TBC1D5: variants seen among roughly 807,000 people sequenced by gnomAD.
TBC1D5 encodes the protein TBC1 domain family, member 5.
A neutral mutation model predicts 100.3 loss-of-function variants in TBC1D5; 75 were observed. The observed-to-expected ratio is 0.75, with a 90% CI of 0.62 to 0.91. The LOEUF (loss-of-function observed/expected upper bound fraction) is 0.91, where lower values mean the gene tolerates loss of function less well. TBC1D5 is among the 40% of genes least tolerant of loss of function. The pLI, the probability that TBC1D5 is intolerant of heterozygous loss-of-function variation, is 0.00. For missense variants in TBC1D5, 910 were observed against 942.4 expected (o/e 0.97, Z 0.45); for synonymous variants, 323 against 325.6 (o/e 0.99, Z 0.09).
At chr3:17,546,608 C>CAA (rs549427829) in intron 2 of TBC1D5, among the ~76,000 whole-genome samples, 2 of 139,594 alleles carry the variant, frequency 1.4e-5, no homozygotes, top group African/African-American at 2.6e-5. Context: ...TACTAAAATA[C>CAA]AAAAAAAAAA....
Position 17,662,362 on chromosome 3 carries a change from AAAG to A in TBC1D5, c.-100-38452_-100-38450del, listed in dbSNP as rs1316907038. 7.2e-5 allele frequency among the ~76,000 whole-genome samples: 11 copies of A among 152,366 alleles called. No homozygotes were observed. In the East Asian group the frequency reaches 1.9e-3, roughly 27 times the overall value. The stretch of plus-strand genomic sequence containing the variant: ...CATGGCTAGAAGTTGTCACAGTGCC[AAAG>A]AAGTTTAGAGGAGGAGGTTACCTGG... On this transcript the variant is annotated intron_variant, in intron 1 of 21. Coordinates refer to ENST00000253692, the Ensembl canonical transcript of TBC1D5.
chr3:17,479,179 T>C (rs575266901), intron 3 of TBC1D5, among the ~76,000 whole-genome samples: 7 of 152,176 alleles, frequency 4.6e-5, no homozygotes, highest in African/African-American at 1.2e-4. Context: ...GGCAAGAGGA[T>C]TGTTGAGCCC....
chr3:17,429,570 G>A (rs778973732), intron 3 of TBC1D5, among the ~76,000 whole-genome samples: 2 of 151,764 alleles, frequency 1.3e-5, no homozygotes, highest in Non-Finnish European at 3.0e-5. Flanking sequence ...ACAACCGAAG[G>A]TGCAATAGGA....
At chr3:17,498,229 G>A (rs2095740007) in intron 3 of TBC1D5, among the ~76,000 whole-genome samples, 1 of 151,776 alleles carries the variant, frequency 6.6e-6, no homozygotes, top group Admixed American at 6.6e-5. Flanking sequence ...GGAAATTCAA[G>A]GAGCTACCCA....
rs1471489893 is a variant in TBC1D5, at chr3:17,233,676, T to C, written c.1588+4487A>G. ...AAAAAGAAACACTATGTTGTTATGG[T>C]AACTGTACCTTGGAGGTCAGTTAGA... is the stretch of plus-strand genomic sequence containing the variant. On this transcript the variant is annotated intron_variant, in intron 17 of 21. Coordinates refer to ENST00000253692, the Ensembl canonical transcript of TBC1D5. The C allele has an allele frequency of 3.4e-6, 5 of 1,488,998 alleles. No homozygotes were observed. In the East Asian group the frequency reaches 9.9e-5, roughly 30 times the overall value. 92.2% of individuals were successfully genotyped at this position (1,488,998 alleles called of 1,614,324 possible). A position where few individuals can be genotyped will look rare whatever the true frequency, so the allele number is the denominator to read the frequency against.
intron 2 of TBC1D5, among the ~76,000 whole-genome samples, chr3:17,596,535 G>C (rs902481903): frequency 6.6e-6 from 1 of 150,902 alleles, no homozygotes. Context: ...GGCTAGGCTG[G>C]TCTTGAACTC....
intron 17 of TBC1D5, among the ~76,000 whole-genome samples, chr3:17,233,236 A>C (rs905368542): frequency 6.6e-5 from 10 of 152,230 alleles, no homozygotes; most frequent in African/African-American, 2.4e-4. Flanking sequence ...ATACTTAAAA[A>C]CATTTCAAAA....
intron 1 of TBC1D5, among the ~76,000 whole-genome samples, chr3:17,705,347 A>ACCC (rs749780289): frequency 2.4e-5 from 1 of 41,064 alleles, no homozygotes. Context: ...CTGGGGGCTG[A>ACCC]CCCCCCCCCA....
chr3:17,509,220 C>CAAT (rs2095875410), intron 2 of TBC1D5, among the ~76,000 whole-genome samples: 1 of 151,560 alleles, frequency 6.6e-6, no homozygotes, highest in Admixed American at 6.6e-5. Flanking sequence ...TCCTAGCATT[C>CAAT]TATTATATAG....
intron 3 of TBC1D5, among the ~76,000 whole-genome samples, chr3:17,505,734 T>C (rs1020894826): frequency 1.3e-5 from 2 of 152,202 alleles, no homozygotes; most frequent in African/African-American, 2.4e-5. Flanking sequence ...ATAAATAGTC[T>C]AACAAATATT....
At chr3:17,548,913 T>TTG (rs2096446193) in intron 2 of TBC1D5, among the ~76,000 whole-genome samples, 1 of 152,254 alleles carries the variant, frequency 6.6e-6, no homozygotes, top group African/African-American at 2.4e-5. Flanking sequence ...CAAATACCTT[T>TTG]AAATTTACCT....
intron 3 of TBC1D5, among the ~76,000 whole-genome samples, chr3:17,479,202 C>T (rs2150283748): frequency 6.6e-6 from 1 of 152,162 alleles, no homozygotes; most frequent in South Asian, 2.1e-4. Flanking sequence ...GAATTCAAGA[C>T]CAGACTGGGC....
chr3:17,280,395 C>T (rs989026869), intron 15 of TBC1D5, among the ~76,000 whole-genome samples: 4 of 152,222 alleles, frequency 2.6e-5, no homozygotes, highest in South Asian at 2.1e-4. Context: ...CCTGTTTTCC[C>T]GCTGGAAAGT....
At chr3:17,401,454 A>G (rs1186088035) in intron 8 of TBC1D5, among the ~76,000 whole-genome samples, 2 of 152,008 alleles carry the variant, frequency 1.3e-5, no homozygotes, top group Non-Finnish European at 2.9e-5. Flanking sequence ...CAGAAAATAT[A>G]GAAGTTTTCA....
chr3:17,673,040 T>C (rs1487266679), intron 1 of TBC1D5, among the ~76,000 whole-genome samples: 1 of 152,042 alleles, frequency 6.6e-6, no homozygotes, highest in Non-Finnish European at 1.5e-5. Flanking sequence ...CGTTGAGGAA[T>C]AACGATGGCT....
intron 16 of TBC1D5, 53 bp downstream of exon 16, chr3:17,258,453 T>A: frequency 1.5e-5 from 23 of 1,536,730 alleles, no homozygotes; most frequent in South Asian, 3.5e-5. Context: ...TTCCTGATGA[T>A]CTCTGAGACT....
intron 2 of TBC1D5, among the ~76,000 whole-genome samples, chr3:17,572,049 T>C (rs1006844031): frequency 9.9e-5 from 15 of 152,028 alleles, no homozygotes; most frequent in Non-Finnish European, 1.8e-4. Flanking sequence ...CGGTTGGGAC[T>C]TTTTGAAAAC....
intron 15 of TBC1D5, among the ~76,000 whole-genome samples, chr3:17,264,966 G>C (rs527455587): frequency 7.9e-5 from 12 of 152,262 alleles, no homozygotes; most frequent in African/African-American, 2.9e-4. Context: ...AGTTATACAT[G>C]AATTTAGGAT....
chr3:17,508,447 CA>C (rs2095866646), intron 3 of TBC1D5, 26 bp downstream of exon 3: 1 of 1,574,666 alleles, frequency 6.4e-7, no homozygotes, highest in East Asian at 2.2e-5. Flanking sequence ...ACACTACCTA[CA>C]AATAGTATTG....
Sources: allele counts gnomAD v4.1 joint callset (sites outside exome capture counted in the v4.1 genomes callset), GRCh38; gene constraint gnomAD v4.1.1; transcripts MANE v1.5; gene names NCBI Gene and HGNC (gene_info 2026-07-23, HGNC 2026-07-21).